Variants in RNF220 observed in about 807,000 individuals in gnomAD.
The protein encoded by RNF220 is ring finger protein 220.
Under a neutral mutation model 67.1 loss-of-function variants are expected in RNF220, and 7 were observed. The ratio of observed to expected loss-of-function variants is 0.10; its 90% CI spans 0.06 to 0.20. The LOEUF (loss-of-function observed/expected upper bound fraction) is 0.20, where lower values mean the gene tolerates loss of function less well. RNF220 is among the 10% of genes least tolerant of loss of function. The pLI, the probability that RNF220 is intolerant of heterozygous loss-of-function variation, is 1.00. For missense variants in RNF220, 565 were observed against 740.3 expected, an observed-to-expected ratio of 0.76 and a Z score of 2.75; for synonymous variants, 270 against 283.2, an observed-to-expected ratio of 0.95 and a Z score of 0.47.
At chr1:44,632,512 G>T in intron 6 of RNF220, 127 bp downstream of exon 6, 1 of 925,344 alleles carries the variant, frequency 1.1e-6, no homozygotes, top group South Asian at 1.4e-5. Flanking sequence ...TCGCAGTCAC[G>T]GCGCCTGAGT....
At chr1:44,413,187 A>G (rs1408791187) in intron 2 of RNF220, among the ~76,000 whole-genome samples, 2 of 152,066 alleles carry the variant, frequency 1.3e-5, no homozygotes, top group African/African-American at 4.8e-5. Flanking sequence ...ACGTGATTCT[A>G]TTTTCACAAC....
At chr1:44,497,597 C>T (rs1657454317) in intron 2 of RNF220, among the ~76,000 whole-genome samples, 1 of 152,168 alleles carries the variant, frequency 6.6e-6, no homozygotes, top group South Asian at 2.1e-4. Flanking sequence ...ATCCTCGCCT[C>T]CAGCCTTAAT....
intron 2 of RNF220, among the ~76,000 whole-genome samples, chr1:44,420,552 A>G (rs1160392333): frequency 2.6e-5 from 4 of 152,244 alleles, no homozygotes; most frequent in African/African-American, 2.4e-5. Context: ...GTGGCCTAGC[A>G]TAATAAATAC....
At chr1:44,450,578 G>A (rs1302885776) in intron 2 of RNF220, among the ~76,000 whole-genome samples, 3 of 152,070 alleles carry the variant, frequency 2.0e-5, no homozygotes, top group Admixed American at 6.5e-5. Flanking sequence ...AACCATAAAC[G>A]TGCTTCTTCC....
chr1:44,421,296 A>G (rs774253357), intron 2 of RNF220, among the ~76,000 whole-genome samples: 23 of 152,202 alleles, frequency 1.5e-4, no homozygotes, highest in Non-Finnish European at 3.2e-4. Context: ...TTTGAAATCA[A>G]TGGGTTATTA....
At chr1:44,632,156 T>C (rs896576705) in intron 5 of RNF220, 187 bp from the exon 6 acceptor site, 47 of 1,548,594 alleles carry the variant, frequency 3.0e-5, no homozygotes, top group Non-Finnish European at 3.7e-5. Context: ...CCGGCGGCTA[T>C]GCCGAGAGCC....
At chr1:44,644,542 C>G (rs1208712295) in intron 8 of RNF220, 156 bp from the exon 9 acceptor site, 1 of 603,234 alleles carries the variant, frequency 1.7e-6, no homozygotes, top group Non-Finnish European at 3.0e-6. Flanking sequence ...ATGTCAGGGT[C>G]AGGGGCACTG....
chr1:44,478,165 A>C (rs753940408), intron 2 of RNF220, among the ~76,000 whole-genome samples: 10 of 152,058 alleles, frequency 6.6e-5, no homozygotes, highest in Non-Finnish European at 1.2e-4. Context: ...TTTTTAGTAG[A>C]GACGGGGTTT....
intron 2 of RNF220, among the ~76,000 whole-genome samples, chr1:44,608,805 C>A (rs1260762019): frequency 1.3e-5 from 2 of 152,254 alleles, no homozygotes; most frequent in South Asian, 2.1e-4. Context: ...AGGGCACCTA[C>A]TGAGTGGTAA....
intron 2 of RNF220, among the ~76,000 whole-genome samples, chr1:44,594,257 G>A (rs907592695): frequency 1.3e-5 from 2 of 152,096 alleles, no homozygotes; most frequent in African/African-American, 2.4e-5. Flanking sequence ...CCTGGAGGGC[G>A]CTTTGCCTCC....
intron 2 of RNF220, among the ~76,000 whole-genome samples, chr1:44,527,937 A>AAG (rs143605017): frequency 0.12 from 16,296 of 138,192 alleles, 1,806 homozygotes; most frequent in Middle Eastern, 0.17. Context: ...AAAAAAAAAA[A>AAG]AAAAAAAAAA....
intron 2 of RNF220, among the ~76,000 whole-genome samples, chr1:44,539,470 T>C (rs1661509588): frequency 6.6e-6 from 1 of 152,118 alleles, no homozygotes; most frequent in Non-Finnish European, 1.5e-5. Flanking sequence ...ATGCACCATA[T>C]GAGAGAGCAA....
chr1:44,477,540 C>G (rs1450150170), intron 2 of RNF220, among the ~76,000 whole-genome samples: 1 of 152,204 alleles, frequency 6.6e-6, no homozygotes, highest in Admixed American at 6.5e-5. Flanking sequence ...GAGAACCAAT[C>G]AGCTATTGCT....
At chr1:44,441,106 C>T (rs1248066668) in intron 2 of RNF220, among the ~76,000 whole-genome samples, 1 of 152,194 alleles carries the variant, frequency 6.6e-6, no homozygotes, top group African/African-American at 2.4e-5. Flanking sequence ...AAGATATTAT[C>T]ATTGGAAAGA....
At chr1:44,580,058 G>GA (rs1665146912) in intron 2 of RNF220, among the ~76,000 whole-genome samples, 1 of 89,832 alleles carries the variant, frequency 1.1e-5, no homozygotes, top group African/African-American at 3.7e-5. Context: ...AAAAAAAAAA[G>GA]AAAGAAAAGA....
chr1:44,636,594 TTCC>T (rs904368384), intron 8 of RNF220: 11 of 617,464 alleles, frequency 1.8e-5, no homozygotes, highest in East Asian at 5.6e-5. Flanking sequence ...ACATTGGATT[TTCC>T]TCCTCCTCCT....
intron 2 of RNF220, among the ~76,000 whole-genome samples, chr1:44,493,932 C>A (rs1657085053): frequency 6.6e-6 from 1 of 152,080 alleles, no homozygotes; most frequent in Non-Finnish European, 1.5e-5. Flanking sequence ...ATGGCCCAGG[C>A]ACGGTAGTTC....
intron 2 of RNF220, among the ~76,000 whole-genome samples, chr1:44,563,786 C>T (rs953817879): frequency 1.3e-5 from 2 of 152,310 alleles, no homozygotes; most frequent in East Asian, 1.9e-4. Context: ...GACAGACTTA[C>T]GTCCGTGTTC....
At chr1:44,480,407 AAATT>A (rs960194753) in intron 2 of RNF220, among the ~76,000 whole-genome samples, 17 of 151,958 alleles carry the variant, frequency 1.1e-4, no homozygotes, top group Admixed American at 2.0e-4. Flanking sequence ...TCTGTCTCAA[AAATT>A]AATTAATTAA....
Sources: gnomAD v4.1 joint callset for allele counts (sites outside exome capture counted in the v4.1 genomes callset) on GRCh38, gnomAD v4.1.1 for gene constraint, MANE v1.5 for transcripts, NCBI Gene and HGNC (gene_info 2026-07-23, HGNC 2026-07-21) for gene names.